The following NFIB variants were observed in gnomAD, a reference collection of about 807,000 sequenced individuals.
The protein encoded by NFIB is nuclear factor I B, also known as nuclear factor 1 B-type.
NFIB carries 11 observed loss-of-function variants against 61.5 expected under a neutral mutation model. That is an observed-to-expected ratio of 0.18 (90% CI 0.11 to 0.30). The LOEUF (loss-of-function observed/expected upper bound fraction) is 0.30, where lower values mean the gene tolerates loss of function less well. NFIB is among the 10% of genes least tolerant of loss of function. The pLI is 1.00. For synonymous variants in NFIB, 260 were observed against 216.5 expected (o/e 1.20, Z -1.76); for missense variants, 471 against 608.9 (o/e 0.77, Z 2.38).
At chr9:14,100,489 A>C (rs2035590357) in intron 10 of NFIB, among the ~76,000 whole-genome samples, 1 of 152,144 alleles carries the variant, frequency 6.6e-6, no homozygotes, top group South Asian at 2.1e-4. Context: ...CGGGCAGATC[A>C]CGAGGTTAGG....
At chr9:14,226,022 T>C (rs757616762) in intron 2 of NFIB, among the ~76,000 whole-genome samples, 8 of 152,212 alleles carry the variant, frequency 5.3e-5, no homozygotes, top group Non-Finnish European at 1.0e-4. Flanking sequence ...TTTAATTCCC[T>C]GTCATTGTTA....
chr9:14,440,081 T>G, the NFIB span, among the ~76,000 whole-genome samples: 1 of 152,144 alleles, frequency 6.6e-6, no homozygotes, highest in African/African-American at 2.4e-5. Flanking sequence ...CTACTTTTTG[T>G]CTAGATTTGT....
At chr9:14,370,523 T>A (rs2061347017) in intron 1 of NFIB, among the ~76,000 whole-genome samples, 1 of 152,378 alleles carries the variant, frequency 6.6e-6, no homozygotes, top group Non-Finnish European at 1.5e-5. Flanking sequence ...TAGCCCACAG[T>A]GTAAATATGT....
chr9:14,520,905 A>G, the NFIB span, among the ~76,000 whole-genome samples: 4 of 152,232 alleles, frequency 2.6e-5, no homozygotes, highest in East Asian at 7.7e-4. Context: ...TGCTTCATTT[A>G]CAGTGGTTCA....
At chr9:14,528,614 A>G in the NFIB span, among the ~76,000 whole-genome samples, 29 of 152,270 alleles carry the variant, frequency 1.9e-4, no homozygotes, top group African/African-American at 7.0e-4. Flanking sequence ...TAAACTTACA[A>G]ATGTTCTGGC....
intron 2 of NFIB, among the ~76,000 whole-genome samples, chr9:14,250,795 T>G (rs893082341): frequency 6.6e-6 from 1 of 152,230 alleles, no homozygotes; most frequent in African/African-American, 2.4e-5. Context: ...AGGTATCACC[T>G]TTTCTAGTAA....
chr9:14,198,992 A>G (rs1312602487), intron 2 of NFIB, among the ~76,000 whole-genome samples: 1 of 152,192 alleles, frequency 6.6e-6, no homozygotes, highest in Non-Finnish European at 1.5e-5. Context: ...ACTCTATCAC[A>G]CTTCACAGAG....
rs554908634 is a variant in NFIB, at chr9:14,086,362, C to G, written c.*1947G>C. 6.4e-5 allele frequency: 14 copies of G among 217,990 alleles called. No homozygotes were observed. The South Asian group carries it at 9.4e-4, about 15-fold the overall frequency. 13.5% of individuals were successfully genotyped at this position (217,990 alleles called of 1,614,324 possible). ...ACTTTGGTCAATTAAAACAAACAAA[C>G]AAACAAAAAAGCATACATTATTTTT... On this transcript the variant is annotated 3_prime_UTR_variant, in exon 11 of 11. Coordinates refer to ENST00000380953, the MANE Select transcript of NFIB (RefSeq NM_001190737.2).
chr9:14,480,500 G>C, the NFIB span, among the ~76,000 whole-genome samples: 4 of 152,152 alleles, frequency 2.6e-5, no homozygotes, highest in Non-Finnish European at 2.9e-5. Flanking sequence ...TCCATTATGT[G>C]TCTAGTGTTT....
the NFIB span, among the ~76,000 whole-genome samples, chr9:14,469,503 T>C: frequency 6.6e-6 from 1 of 152,196 alleles, no homozygotes; most frequent in African/African-American, 2.4e-5. Context: ...ATCTTCTCCC[T>C]TCCAAATTTG....
the NFIB span, among the ~76,000 whole-genome samples, chr9:14,485,783 G>A: frequency 1.3e-5 from 2 of 152,092 alleles, no homozygotes; most frequent in Non-Finnish European, 2.9e-5. Context: ...GCTGAGGCAG[G>A]AGAATCACTC....
intron 6 of NFIB, among the ~76,000 whole-genome samples, chr9:14,143,920 G>A (rs2042012402): frequency 6.6e-6 from 1 of 151,650 alleles, no homozygotes; most frequent in African/African-American, 2.4e-5. Flanking sequence ...CATTGTAGTT[G>A]AGTCTTCTTC....
intron 1 of NFIB, among the ~76,000 whole-genome samples, chr9:14,310,951 A>G (rs1321919959): frequency 6.6e-6 from 1 of 152,172 alleles, no homozygotes; most frequent in African/African-American, 2.4e-5. Flanking sequence ...ATAACAACAA[A>G]TCATGCAAAA....
chr9:14,151,332 C>A (rs1348012845), intron 4 of NFIB, among the ~76,000 whole-genome samples: 3 of 152,086 alleles, frequency 2.0e-5, no homozygotes, highest in South Asian at 2.1e-4. Context: ...TATAAATGAA[C>A]CTGTTCGCTG....
chr9:14,364,301 T>C (rs1293507989), intron 1 of NFIB, among the ~76,000 whole-genome samples: 2 of 152,174 alleles, frequency 1.3e-5, no homozygotes, highest in Non-Finnish European at 2.9e-5. Context: ...TTTGTGAAGT[T>C]TGTTGGCTTT....
the NFIB span, among the ~76,000 whole-genome samples, chr9:14,467,158 A>G: frequency 7.9e-5 from 12 of 152,216 alleles, no homozygotes; most frequent in African/African-American, 2.9e-4. Context: ...ACTGTCATTT[A>G]GAATCCAAAT....
intron 2 of NFIB, among the ~76,000 whole-genome samples, chr9:14,231,135 A>AATATATATATATATAT (rs1554681460): frequency 4.8e-4 from 17 of 35,342 alleles, no homozygotes; most frequent in East Asian, 8.5e-4. Flanking sequence ...AAAAAAAAAA[A>AATATATATATATATAT]ATATATATAT....
chr9:14,513,627 C>CAA, the NFIB span, among the ~76,000 whole-genome samples: 1,223 of 113,464 alleles, frequency 0.011, 14 homozygotes, highest in Admixed American at 0.019. Context: ...GACTCCATCT[C>CAA]AAAAAAAAAA....
chr9:14,169,032 A>G (rs1249627490), intron 3 of NFIB, among the ~76,000 whole-genome samples: 1 of 152,228 alleles, frequency 6.6e-6, no homozygotes, highest in Non-Finnish European at 1.5e-5. Context: ...TTCTAGTTCT[A>G]TCTTACTTAT....
Sources: allele counts gnomAD v4.1 joint callset (sites outside exome capture counted in the v4.1 genomes callset), GRCh38; gene constraint gnomAD v4.1.1; transcripts MANE v1.5; gene names NCBI Gene and HGNC (gene_info 2026-07-23, HGNC 2026-07-21).